Variants in PSG5 observed in about 807,000 individuals in gnomAD.
The protein encoded by PSG5 is pregnancy specific beta-1-glycoprotein 5.
Under a neutral mutation model 37.7 loss-of-function variants are expected in PSG5, and 53 were observed. The ratio of observed to expected loss-of-function variants is 1.41; its 90% CI spans 1.13 to 1.77. PSG5 has a LOEUF of 1.77. PSG5 is among the 40% of genes most tolerant of loss of function. The pLI, the probability that PSG5 is intolerant of heterozygous loss-of-function variation, is 0.00. For missense variants in PSG5, 547 were observed against 405.2 expected, an observed-to-expected ratio of 1.35 and a Z score of -3.00; for synonymous variants, 221 against 155.4, an observed-to-expected ratio of 1.42 and a Z score of -3.14.
Position 43,180,225 on chromosome 19 carries a change from A to G in PSG5, c.431-4077T>C, listed in dbSNP as rs554564894. 6.6e-5 allele frequency: 10 copies of G among 151,714 alleles called. No homozygotes were observed. The South Asian group carries it at 8.3e-4, about 13-fold the overall frequency. The allele number at this position is 151,714 out of a possible 1,614,324, so 9.4% of individuals were successfully genotyped here. ...GATCAGGGGAATAGGGTGTTGTTCC[A>G]TGGGTGTGCGGTTTCAGTTATGCAG... On this transcript the variant is annotated intron_variant, in intron 2 of 5. Transcript: ENST00000342951.
At position 43,168,377 on chromosome 19, in the gene PSG5, T is replaced by A. The variant is rs61192646; in HGVS notation, c.*41-174A>T. 5.9e-3 allele frequency among the ~76,000 whole-genome samples: 891 copies of A among 151,026 alleles called. 23 individuals are homozygous for A. The highest frequency in any genetic ancestry group is 0.021 in the African/African-American group (845 of 41,096). ...TTTTAGAATACTCATTTAAAAAAAT[T>A]TTTTTTTTTGAAATGGAGTCTCACT... On this transcript the variant is annotated intron_variant, in intron 5 of 5. Transcript: ENST00000342951.
At chr19:43,168,569 T>C (rs1447826334) in intron 5 of PSG5, among the ~76,000 whole-genome samples, 1 of 151,510 alleles carries the variant, frequency 6.6e-6, no homozygotes, top group Non-Finnish European at 1.5e-5. Context: ...AGACGGGGTT[T>C]CACCGTGTTA....
chr19:43,181,707 C>A (rs368250227), intron 2 of PSG5, among the ~76,000 whole-genome samples: 1 of 151,796 alleles, frequency 6.6e-6, no homozygotes, highest in Non-Finnish European at 1.5e-5. Flanking sequence ...CCCGCCTCGG[C>A]CTCCCAAAGT....
At chr19:43,174,361 G>C (rs1013149951) in intron 4 of PSG5, 1 of 754,736 alleles carries the variant, frequency 1.3e-6, no homozygotes, top group Non-Finnish European at 1.6e-6. Flanking sequence ...TATATATAAA[G>C]TGTCTGGTAG....
At chr19:43,173,571 A>T (rs892792055) in intron 4 of PSG5, among the ~76,000 whole-genome samples, 1 of 151,656 alleles carries the variant, frequency 6.6e-6, no homozygotes, top group Non-Finnish European at 1.5e-5. Flanking sequence ...TCCAAGGAAG[A>T]TATACAAATA....
intron 2 of PSG5, 148 bp downstream of exon 2, chr19:43,184,634 T>C (rs1969203018): frequency 6.8e-7 from 1 of 1,463,286 alleles, no homozygotes; most frequent in South Asian, 1.2e-5. Flanking sequence ...GTCTCCTCTG[T>C]GTGTGTCCTG....
At position 43,168,025 on chromosome 19, in the gene PSG5, G is replaced by T. The variant is rs979236758; in HGVS notation, c.*219C>A. On this transcript the variant is annotated 3_prime_UTR_variant, in exon 6 of 6. Coordinates refer to ENST00000342951, the MANE Select transcript of PSG5 (RefSeq NM_002781.4). ...CTTCTTTGTCTAGAATTTCATGAAG[G>T]TATCAGCCTGTTCATTAAAATTTTG... The T allele has an allele frequency of 9.7e-6, 4 of 413,896 alleles. No homozygotes were observed. Among genetic ancestry groups the T allele is most frequent in the Non-Finnish European group, 1.8e-5 (4 of 225,644 alleles). The allele number at this position is 413,896 out of a possible 1,614,324, so 25.6% of individuals were successfully genotyped here. A position where few individuals can be genotyped will look rare whatever the true frequency, so the allele number is the denominator to read the frequency against.
chr19:43,182,735 C>T (rs561259226), intron 2 of PSG5, among the ~76,000 whole-genome samples: 1 of 109,238 alleles, frequency 9.2e-6, no homozygotes, highest in Non-Finnish European at 1.9e-5. Context: ...TGCAGGAGGC[C>T]AGAAGATCTT....
chr19:43,184,529 C>T (rs1244719159), intron 2 of PSG5, among the ~76,000 whole-genome samples: 1 of 151,482 alleles, frequency 6.6e-6, no homozygotes, highest in Non-Finnish European at 1.5e-5. Context: ...AGACTGATCT[C>T]CTCCTGCTGA....
chr19:43,170,526 G>C (rs1259159626), intron 4 of PSG5: 4 of 440,208 alleles, frequency 9.1e-6, no homozygotes, highest in East Asian at 6.2e-5. Context: ...ATGGCAGGGA[G>C]CTGATTGACA....
intron 2 of PSG5, chr19:43,180,301 G>A (rs906291191): frequency 6.6e-6 from 1 of 151,560 alleles, no homozygotes; most frequent in African/African-American, 2.4e-5. Flanking sequence ...TATACTTCAT[G>A]CAGATACAGT....
At chr19:43,179,091 A>T (rs148742819) in intron 2 of PSG5, 1 of 1,611,168 alleles carries the variant, frequency 6.2e-7, no homozygotes, top group Non-Finnish European at 8.5e-7. Context: ...ACAGGTTAAG[A>T]TCACAGCCTC....
intron 5 of PSG5, among the ~76,000 whole-genome samples, 165 bp from the exon 6 acceptor site, chr19:43,168,368 TA>T (rs200529864): frequency 6.6e-6 from 1 of 151,042 alleles, no homozygotes; most frequent in African/African-American, 2.4e-5. Flanking sequence ...AATACTCATT[TA>T]AAAAAATTTT....
At chr19:43,183,508 C>A (rs757228378) in intron 2 of PSG5, 18 of 525,374 alleles carry the variant, frequency 3.4e-5, no homozygotes, top group Middle Eastern at 1.3e-3. Flanking sequence ...TCTCCTTGAT[C>A]CTTTCATGAC....
chr19:43,167,994 T>G lies in PSG5; in HGVS notation c.*250A>C. ...ATTATTTAGTCCAATAACATGGAGT[T>G]TTTTTCTTCTTTGTCTAGAATTTCA... On this transcript the variant is annotated 3_prime_UTR_variant, in exon 6 of 6. Transcript: ENST00000342951. 1 of 410,000 alleles carries G rather than the reference T, an allele frequency of 2.4e-6. No homozygotes were observed. Among genetic ancestry groups the G allele is most frequent in the Non-Finnish European group, 4.5e-6 (1 of 222,912 alleles). The allele number at this position is 410,000 out of a possible 1,614,324, so 25.4% of individuals were successfully genotyped here.
rs1865798897 is a variant in PSG5, at chr19:43,176,090, A to G, written c.489T>C (p.Asp163=). The G allele has an allele frequency of 6.2e-7, 1 of 1,611,130 alleles. No homozygotes were observed. Among genetic ancestry groups the G allele is most frequent in the Non-Finnish European group, 8.5e-7 (1 of 1,179,182 alleles). ...INNSKPRENK[D]VLAFTCEPKS... is the part of the protein sequence containing the mutation. ...TAGGTTCACAGGTGAAGGCTAAGAC[A>G]TCCTTATTCTCCCTGGGTTTTGAGT... is the stretch of plus-strand genomic sequence containing the variant. Residue 163 remains aspartate (D), a synonymous_variant, in exon 3 of 6, where the codon GAT becomes GAC. Coordinates refer to ENST00000342951, the MANE Select transcript of PSG5 (RefSeq NM_002781.4).
At position 43,178,663 on chromosome 19, in the gene PSG5, A is replaced by C. The variant is rs1293020563; in HGVS notation, c.431-2515T>G. ...TGTTTCTCCCATCACAAGCTGTGGAACCTGAGTCTCCCATGACAGGAGCAG... is the reference window on the plus strand; with the variant it reads ...TGTTTCTCCCATCACAAGCTGTGGACCCTGAGTCTCCCATGACAGGAGCAG... On this transcript the variant is annotated intron_variant, in intron 2 of 5. Coordinates refer to ENST00000342951, the MANE Select transcript of PSG5 (RefSeq NM_002781.4). Among the ~76,000 whole-genome samples, 19 of 151,640 alleles carry C rather than the reference A, an allele frequency of 1.3e-4. No homozygotes were observed. The East Asian group carries it at 2.9e-3, about 23-fold the overall frequency.
At chr19:43,183,043 G>A (rs976030131) in intron 2 of PSG5, among the ~76,000 whole-genome samples, 15 of 151,102 alleles carry the variant, frequency 9.9e-5, no homozygotes, top group Non-Finnish European at 1.9e-4. Context: ...GGGGGAAGAA[G>A]CTGTGCAGGA....
chr19:43,179,672 A>T lies in PSG5; in HGVS notation c.431-3524T>A, dbSNP rs543879041. Among the ~76,000 whole-genome samples the T allele has an allele frequency of 4.0e-5, 6 of 151,842 alleles. No individual in the cohort carries two copies. The South Asian group carries it at 1.0e-3, about 26-fold the overall frequency. ...GCCTGGGACTGGGTACTTCAGCATA[A>T]ATAACACAGGGGAGACCAGAGTCAA... is the stretch of plus-strand genomic sequence containing the variant. On this transcript the variant is annotated intron_variant, in intron 2 of 5. Coordinates refer to ENST00000342951, the MANE Select transcript of PSG5 (RefSeq NM_002781.4).
Sources: allele counts gnomAD v4.1 joint callset (sites outside exome capture counted in the v4.1 genomes callset), GRCh38; gene constraint gnomAD v4.1.1; transcripts MANE v1.5; gene names NCBI Gene and HGNC (gene_info 2026-07-23, HGNC 2026-07-21).